GBE1: variants seen among roughly 807,000 people sequenced by gnomAD.
GBE1 encodes the protein 1,4-alpha-glucan branching enzyme 1.
In GBE1, 70 loss-of-function variants were observed where a neutral mutation model predicts 88.8. The ratio of observed to expected loss-of-function variants is 0.79; its 90% CI spans 0.65 to 0.96. The LOEUF (loss-of-function observed/expected upper bound fraction) is 0.96. GBE1 is among the 40% of genes least tolerant of loss of function. The probability of loss-of-function intolerance (pLI) is 0.00; values close to 1 mark genes in which losing one functional copy is unlikely to be tolerated. For synonymous variants in GBE1, 284 were observed against 300.1 expected (o/e 0.95, Z 0.56); for missense variants, 872 against 871.0 (o/e 1.00, Z -0.01).
At chr3:81,527,327 A>G (rs1238167774) in intron 14 of GBE1, among the ~76,000 whole-genome samples, 11 of 152,138 alleles carry the variant, frequency 7.2e-5, no homozygotes, top group African/African-American at 2.4e-4. Context: ...CTTCATGTCT[A>G]AAACACCAAA....
intron 2 of GBE1, among the ~76,000 whole-genome samples, chr3:81,689,492 C>T (rs562094793): frequency 2.0e-5 from 3 of 152,326 alleles, no homozygotes; most frequent in African/African-American, 7.2e-5. Context: ...TGTTTAAAGT[C>T]AAACAAAGTA....
intron 12 of GBE1, among the ~76,000 whole-genome samples, chr3:81,566,397 G>C (rs533032474): frequency 6.6e-6 from 1 of 152,104 alleles, no homozygotes; most frequent in African/African-American, 2.4e-5. Context: ...TTGGCTATTG[G>C]TTCTTTAATA....
intron 7 of GBE1, among the ~76,000 whole-genome samples, chr3:81,615,556 GC>G (rs1704238740): frequency 6.6e-6 from 1 of 152,192 alleles, no homozygotes; most frequent in Admixed American, 6.5e-5. Context: ...TTGGGGACGA[GC>G]TTTTGCTACT....
intron 14 of GBE1, among the ~76,000 whole-genome samples, chr3:81,526,010 G>A (rs560321744): frequency 9.2e-5 from 14 of 152,066 alleles, no homozygotes; most frequent in East Asian, 1.9e-4. Context: ...TTTTTGAAGG[G>A]TTTTTTATGT....
intron 7 of GBE1, among the ~76,000 whole-genome samples, chr3:81,598,018 C>T (rs987217207): frequency 3.3e-5 from 5 of 151,890 alleles, no homozygotes; most frequent in Non-Finnish European, 7.4e-5. Context: ...GACAAATTTT[C>T]TCAGTGAGCA....
At chr3:81,741,896 C>A (rs1706355254) in intron 1 of GBE1, among the ~76,000 whole-genome samples, 1 of 148,014 alleles carries the variant, frequency 6.8e-6, no homozygotes, top group Non-Finnish European at 1.5e-5. Flanking sequence ...AACTAGAGCT[C>A]TAATTTTAGT....
chr3:81,511,298 A>C (rs1702723202), intron 14 of GBE1, among the ~76,000 whole-genome samples: 1 of 152,092 alleles, frequency 6.6e-6, no homozygotes. Flanking sequence ...CATCAAAAGC[A>C]ACTGAAACAA....
At chr3:81,728,439 A>C (rs919077428) in intron 1 of GBE1, among the ~76,000 whole-genome samples, 6 of 152,200 alleles carry the variant, frequency 3.9e-5, no homozygotes, top group African/African-American at 1.4e-4. Flanking sequence ...GATAGATAAC[A>C]AAAATAATGC....
chr3:81,604,061 A>G (rs1704068545), intron 7 of GBE1, among the ~76,000 whole-genome samples: 1 of 152,070 alleles, frequency 6.6e-6, no homozygotes, highest in East Asian at 1.9e-4. Flanking sequence ...AAATCTTCTT[A>G]TTTTTTATAT....
At chr3:81,528,458 G>A (rs905709871) in intron 14 of GBE1, among the ~76,000 whole-genome samples, 3 of 151,990 alleles carry the variant, frequency 2.0e-5, no homozygotes, top group Non-Finnish European at 2.9e-5. Flanking sequence ...TTTTGCAGCC[G>A]TTGGATGAAA....
intron 1 of GBE1, among the ~76,000 whole-genome samples, chr3:81,746,195 G>A (rs1451793172): frequency 2.6e-5 from 4 of 152,128 alleles, no homozygotes; most frequent in Admixed American, 6.6e-5. Context: ...AAAGGCAATC[G>A]TTTTCATAAT....
intron 15 of GBE1, 107 bp downstream of exon 15, chr3:81,499,002 CT>C (rs1323001727): frequency 6.6e-5 from 46 of 694,412 alleles, no homozygotes; most frequent in East Asian, 2.2e-4. Context: ...TTCCTTCATG[CT>C]TTTTTTCCAT....
chr3:81,627,739 T>A (rs976705487), intron 7 of GBE1, among the ~76,000 whole-genome samples: 1 of 113,914 alleles, frequency 8.8e-6, no homozygotes, highest in Non-Finnish European at 1.7e-5. Context: ...GAAAATTATA[T>A]ATTTTACATA....
At chr3:81,568,744 T>C (rs1019718741) in intron 12 of GBE1, among the ~76,000 whole-genome samples, 7 of 152,188 alleles carry the variant, frequency 4.6e-5, no homozygotes, top group East Asian at 1.9e-4. Flanking sequence ...TAAAAAATAT[T>C]GTGTGTCTGT....
chr3:81,534,537 T>C (rs1292884392), intron 14 of GBE1: 1 of 152,100 alleles, frequency 6.6e-6, no homozygotes, highest in Non-Finnish European at 1.5e-5. Context: ...TTATTTCTAC[T>C]GCTCACACCT....
chr3:81,752,012 G>A lies in GBE1; in HGVS notation c.143+9363C>T, dbSNP rs1488111485. ...TGCAAGAAATACATTTGTATATTTG[G>A]TTTCTGATTATCATATTTTGGGTTG... On this transcript the variant is annotated intron_variant, in intron 1 of 15. Coordinates refer to ENST00000429644, the MANE Select transcript of GBE1 (RefSeq NM_000158.4). Among the ~76,000 whole-genome samples the A allele has an allele frequency of 2.0e-5, 3 of 152,262 alleles. No homozygotes were observed. In the East Asian group the frequency reaches 5.8e-4, roughly 29 times the overall value.
chr3:81,688,405 T>C (rs1228984551), intron 2 of GBE1, among the ~76,000 whole-genome samples: 1 of 152,226 alleles, frequency 6.6e-6, no homozygotes, highest in Non-Finnish European at 1.5e-5. Context: ...ACCCACAGAA[T>C]AAGTACTCAA....
rs188099668 is a variant in GBE1, at chr3:81,676,739, T to C, written c.314-5786A>G. Reference sequence around the variant, plus strand: ...ATGTGCCATGGTGGAAAACCTGATATATTTCTAAAGCAAATATTTTAATAG... The same window carrying C: ...ATGTGCCATGGTGGAAAACCTGATACATTTCTAAAGCAAATATTTTAATAG... On this transcript the variant is annotated intron_variant, in intron 2 of 15. Transcript: ENST00000429644. Among the ~76,000 whole-genome samples, 4 of 152,180 alleles carry C rather than the reference T, an allele frequency of 2.6e-5. No homozygotes were observed. In the East Asian group the frequency reaches 5.8e-4, roughly 22 times the overall value.
rs545246903 is a variant in GBE1, at chr3:81,594,076, TA to T, written c.993-54del. On this transcript the variant is annotated intron_variant, in intron 7 of 15. Coordinates refer to ENST00000429644, the MANE Select transcript of GBE1 (RefSeq NM_000158.4). Reference sequence around the variant, plus strand: ...AGCAAAATGTGAAGAGCATTTTCCTTAACTGTTATAAATGTTTGCTATTAAC... The same window carrying T: ...AGCAAAATGTGAAGAGCATTTTCCTTACTGTTATAAATGTTTGCTATTAAC... 4.1e-3 allele frequency: 3,254 copies of T among 794,862 alleles called. 7 individuals are homozygous for T. The highest frequency in any genetic ancestry group is 5.3e-3 in the Non-Finnish European group (2,539 of 480,600). 49.2% of individuals were successfully genotyped at this position (794,862 alleles called of 1,614,324 possible).
Sources: allele counts gnomAD v4.1 joint callset (sites outside exome capture counted in the v4.1 genomes callset), GRCh38; gene constraint gnomAD v4.1.1; transcripts MANE v1.5; gene names NCBI Gene and HGNC (gene_info 2026-07-23, HGNC 2026-07-21).